Variants in AJAP1 observed in about 807,000 individuals in gnomAD.
The protein encoded by AJAP1 is adherens junction-associated protein 1.
AJAP1 carries 5 observed loss-of-function variants against 35.0 expected under a neutral mutation model. The ratio of observed to expected loss-of-function variants is 0.14; its 90% confidence interval spans 0.07 to 0.30. The LOEUF (loss-of-function observed/expected upper bound fraction) is 0.30, where lower values mean the gene tolerates loss of function less well. Ranked by LOEUF, AJAP1 falls within the 10% of genes least tolerant of loss-of-function variation. The probability of loss-of-function intolerance (pLI) is 1.00; values close to 1 mark genes in which losing one functional copy is unlikely to be tolerated. For missense variants in AJAP1, 586 were observed against 571.0 expected (o/e 1.03, Z -0.27); for synonymous variants, 284 against 249.3 (o/e 1.14, Z -1.31).
intron 2 of AJAP1, among the ~76,000 whole-genome samples, chr1:4,736,628 C>A (rs1258421559): frequency 6.6e-6 from 1 of 152,218 alleles, no homozygotes; most frequent in African/African-American, 2.4e-5. Flanking sequence ...CAGGCCCGAG[C>A]CTTGATGTGC....
rs1466753490 is a variant in AJAP1 at position 4,655,937 on chromosome 1, C to T, written c.29+483C>T. On this transcript the variant is annotated intron_variant, in intron 1 of 5. Coordinates refer to ENST00000378191, the MANE Select transcript of AJAP1 (RefSeq NM_018836.4). The surrounding 1 kb of genome is among the most constrained non-coding windows in gnomAD (Gnocchi z 6.9). Reference sequence around the variant, plus strand: ...CCACAGCCAAACAGCCACTCCGCTCCCCCTTCTCCTTTCTCGGGGCCCCGG... The same window carrying T: ...CCACAGCCAAACAGCCACTCCGCTCTCCCTTCTCCTTTCTCGGGGCCCCGG... Among the ~76,000 whole-genome samples, 1 of 151,944 alleles carries T rather than the reference C, an allele frequency of 6.6e-6. No homozygotes were observed. Among genetic ancestry groups the T allele is most frequent in the Non-Finnish European group, 1.5e-5 (1 of 67,946 alleles).
rs969824600 is a variant in AJAP1 at position 4,789,245 on chromosome 1, A to G, written c.*6760A>G. 1 of 152,244 alleles carries G rather than the reference A, an allele frequency of 6.6e-6. No homozygotes were observed. Among genetic ancestry groups the G allele is most frequent in the African/African-American group, 2.4e-5 (1 of 41,466 alleles). 9.4% of individuals were successfully genotyped at this position (152,244 alleles called of 1,614,324 possible). A position where few individuals can be genotyped will look rare whatever the true frequency, so the allele number is the denominator to read the frequency against. ...TTGTCTTCTCATGTAGGCTGGAATC[A>G]GAACCTACGTATGCTGTAGATAACA... is the stretch of plus-strand genomic sequence containing the variant. On this transcript the variant is annotated 3_prime_UTR_variant, in exon 6 of 6. Transcript: ENST00000378191. This position sits in a 1 kb window ranked among gnomAD's most constrained non-coding sequence, Gnocchi z 4.4.
chr1:4,688,944 C>T (rs927949218), intron 1 of AJAP1, among the ~76,000 whole-genome samples: 1 of 152,082 alleles, frequency 6.6e-6, no homozygotes, highest in African/African-American at 2.4e-5. Flanking sequence ...ATCTGGTGAG[C>T]CACCCTGCCC....
chr1:4,675,583 T>C (rs1639345142), intron 1 of AJAP1, among the ~76,000 whole-genome samples: 2 of 152,230 alleles, frequency 1.3e-5, no homozygotes, highest in South Asian at 4.1e-4. Flanking sequence ...AGATACCATC[T>C]GACCCAAAGC....
intron 1 of AJAP1, among the ~76,000 whole-genome samples, chr1:4,660,601 C>G (rs962664043): frequency 1.3e-5 from 2 of 152,018 alleles, no homozygotes; most frequent in Non-Finnish European, 1.5e-5. Context: ...GAGATTAGTG[C>G]CTAACTGATC....
intron 1 of AJAP1, among the ~76,000 whole-genome samples, chr1:4,667,382 G>A (rs1165217677): frequency 6.6e-6 from 1 of 152,132 alleles, no homozygotes; most frequent in Non-Finnish European, 1.5e-5. Context: ...CCCCTCCGTG[G>A]GGACCTTCTC....
intron 5 of AJAP1, among the ~76,000 whole-genome samples, chr1:4,775,992 A>G (rs1163165346): frequency 6.6e-6 from 1 of 152,186 alleles, no homozygotes; most frequent in Non-Finnish European, 1.5e-5. Flanking sequence ...CTGGGTCCTG[A>G]TGGTTGCCAG....
At chr1:4,762,547 C>G (rs1442734334) in intron 2 of AJAP1, among the ~76,000 whole-genome samples, 1 of 152,196 alleles carries the variant, frequency 6.6e-6, no homozygotes, top group African/African-American at 2.4e-5. Flanking sequence ...CACATCATTG[C>G]TGGGATGAGA....
chr1:4,684,760 T>G (rs1639568398), intron 1 of AJAP1, among the ~76,000 whole-genome samples: 1 of 152,082 alleles, frequency 6.6e-6, no homozygotes, highest in African/African-American at 2.4e-5. Flanking sequence ...GCAGAGCAGA[T>G]CTAAAGCCCC....
At chr1:4,722,090 A>G (rs1446951634) in intron 2 of AJAP1, among the ~76,000 whole-genome samples, 1 of 152,250 alleles carries the variant, frequency 6.6e-6, no homozygotes, top group Non-Finnish European at 1.5e-5. Context: ...CATTGAGGGC[A>G]GGTGACTTTC....
intron 3 of AJAP1, 56 bp from the exon 4 acceptor site, chr1:4,772,224 G>C: frequency 1.2e-6 from 2 of 1,604,478 alleles, no homozygotes; most frequent in Non-Finnish European, 1.7e-6. Flanking sequence ...CTGGAGTTGT[G>C]TTTGTGGGTT....
At chr1:4,661,365 C>T (rs6658403) in intron 1 of AJAP1, among the ~76,000 whole-genome samples, 32,766 of 152,246 alleles carry the variant, frequency 0.22, 4,042 homozygotes, top group Non-Finnish European at 0.28. Context: ...AGCCATTCTG[C>T]ATTGTCCCAC....
intron 2 of AJAP1, among the ~76,000 whole-genome samples, chr1:4,755,311 C>G (rs746222415): frequency 4.6e-5 from 7 of 152,210 alleles, no homozygotes; most frequent in Non-Finnish European, 8.8e-5. Flanking sequence ...GCGGGGGACT[C>G]TCACATGTCC....
chr1:4,707,662 G>T (rs765736007), intron 1 of AJAP1, among the ~76,000 whole-genome samples: 10 of 152,120 alleles, frequency 6.6e-5, no homozygotes, highest in Non-Finnish European at 1.3e-4. Flanking sequence ...CCATTCCTCA[G>T]CTGACGGGCA....
chr1:4,740,653 G>A lies in AJAP1; in HGVS notation c.829+27954G>A, dbSNP rs886924252. On this transcript the variant is annotated intron_variant, in intron 2 of 5. Transcript: ENST00000378191. ...TACAAAAAATTAGCCGGGTGTGGTG[G>A]CGGGCGCCTGTAGTCCCAGCTACTC... Among the ~76,000 whole-genome samples, 10 of 151,688 alleles carry A rather than the reference G, an allele frequency of 6.6e-5. No homozygotes were observed. In the South Asian group the frequency reaches 2.1e-3, roughly 32 times the overall value.
chr1:4,663,941 G>A (rs536507031), intron 1 of AJAP1, among the ~76,000 whole-genome samples: 7 of 152,242 alleles, frequency 4.6e-5, no homozygotes, highest in African/African-American at 9.6e-5. Context: ...GCTCATAGCC[G>A]CAGGTTCTTT....
intron 5 of AJAP1, among the ~76,000 whole-genome samples, chr1:4,780,210 C>T (rs1472811004): frequency 6.6e-6 from 1 of 151,728 alleles, no homozygotes; most frequent in African/African-American, 2.4e-5. Flanking sequence ...GTGCCTTTAC[C>T]GTCCTGTGCA....
intron 2 of AJAP1, among the ~76,000 whole-genome samples, chr1:4,757,222 C>G (rs1184289228): frequency 5.3e-5 from 8 of 152,228 alleles, no homozygotes; most frequent in Admixed American, 5.2e-4. Context: ...CCCCTTTCCG[C>G]CTCCCCTGTC....
At chr1:4,725,610 A>G (rs1186608266) in intron 2 of AJAP1, among the ~76,000 whole-genome samples, 1 of 152,150 alleles carries the variant, frequency 6.6e-6, no homozygotes, top group Admixed American at 6.5e-5. Context: ...TTGCTCGGCC[A>G]ACGGAACCGG....
Sources: gnomAD v4.1 joint callset for allele counts (sites outside exome capture counted in the v4.1 genomes callset) on GRCh38, gnomAD v4.1.1 for gene constraint, Gnocchi (gnomAD v3.1) non-coding constraint, MANE v1.5 for transcripts, NCBI Gene and HGNC (gene_info 2026-07-23, HGNC 2026-07-21) for gene names.